Variants in FYB1 observed in about 807,000 individuals in gnomAD.
FYB1 encodes the protein FYN binding protein 1.
Under a neutral mutation model 94.1 loss-of-function variants are expected in FYB1, and 41 were observed. The ratio of observed to expected loss-of-function variants is 0.44; its 90% CI spans 0.34 to 0.57. The LOEUF is 0.57. Among genes scored for constraint, FYB1 ranks in the 20% least tolerant of loss-of-function variants. FYB1 has a pLI of 0.02. For missense variants in FYB1, 1,050 were observed against 976.8 expected (o/e 1.07, Z -1.00); for synonymous variants, 367 against 353.2 (o/e 1.04, Z -0.44).
At chr5:39,186,266 A>G (rs1300745597) in intron 2 of FYB1, among the ~76,000 whole-genome samples, 4 of 152,210 alleles carry the variant, frequency 2.6e-5, no homozygotes, top group Non-Finnish European at 5.9e-5. Flanking sequence ...TCTACTAAAA[A>G]TACAAAAATT....
chr5:39,252,312 G>T (rs1380647809), intron 1 of FYB1, among the ~76,000 whole-genome samples: 1 of 152,102 alleles, frequency 6.6e-6, no homozygotes, highest in East Asian at 1.9e-4. Context: ...GTGAGCTAAT[G>T]TTTATGAATT....
intron 2 of FYB1, among the ~76,000 whole-genome samples, chr5:39,161,932 G>A (rs1744281386): frequency 6.6e-6 from 1 of 152,182 alleles, no homozygotes; most frequent in Non-Finnish European, 1.5e-5. Flanking sequence ...GATATTTCAT[G>A]TCAACAGAAT....
Position 39,181,412 on chromosome 5 carries a change from G to A in FYB1, c.1135+20414C>T, listed in dbSNP as rs144360381. ...TTAATTTAATTTAAACATCCACTGT[G>A]GTTAGTGGATACTATATAGGACAGT... On this transcript the variant is annotated intron_variant, in intron 2 of 18. Coordinates refer to ENST00000512982, the MANE Select transcript of FYB1 (RefSeq NM_001465.6). 1.9e-3 allele frequency among the ~76,000 whole-genome samples: 295 copies of A among 152,004 alleles called. 1 individual carries two copies. The highest frequency in any genetic ancestry group is 6.7e-3 in the African/African-American group (278 of 41,482).
intron 1 of FYB1, among the ~76,000 whole-genome samples, chr5:39,237,793 A>T (rs1274784806): frequency 6.6e-6 from 1 of 152,102 alleles, no homozygotes; most frequent in Non-Finnish European, 1.5e-5. Flanking sequence ...TTGCAACAAG[A>T]ATGAGAGGTT....
chr5:39,138,006 A>T, intron 6 of FYB1: 1 of 398,602 alleles, frequency 2.5e-6, no homozygotes. Context: ...ATGTTCGCAT[A>T]AATAGAATCC....
intron 2 of FYB1, among the ~76,000 whole-genome samples, chr5:39,168,449 T>C (rs747316432): frequency 2.5e-4 from 38 of 152,170 alleles, no homozygotes; most frequent in Non-Finnish European, 1.3e-4. Flanking sequence ...GAAAACATAA[T>C]GTAAAAAATT....
Position 39,119,618 on chromosome 5 carries a change from C to A in FYB1, c.2155G>T (p.Gly719Ter). 1 of 1,536,884 alleles carries A rather than the reference C, an allele frequency of 6.5e-7. No homozygotes were observed. Among genetic ancestry groups the A allele is most frequent in the South Asian group, 1.3e-5 (1 of 79,760 alleles). ...SAEMSQGTNV[G>*]KAKTEEKDLK... is the part of the protein sequence containing the mutation. ...TCCTTTTCTTCTGTCTTAGCTTTTC[C>A]AACATTAGTTCCTTGACTAGAACGG... The change falls in exon 15 of 19, where the codon GGA becomes TGA. Residue 719 changes from glycine (G) to a stop codon, truncating the protein, a stop_gained. Coordinates refer to ENST00000512982, the MANE Select transcript of FYB1 (RefSeq NM_001465.6). LOFTEE classifies it high-confidence loss of function.
intron 2 of FYB1, among the ~76,000 whole-genome samples, chr5:39,167,217 G>A (rs7724892): frequency 0.034 from 5,224 of 152,114 alleles, 308 homozygotes; most frequent in African/African-American, 0.12. Flanking sequence ...GAGATGATGC[G>A]GGGATCAAGC....
At chr5:39,217,441 G>C (rs1418890091) in intron 1 of FYB1, among the ~76,000 whole-genome samples, 2 of 152,150 alleles carry the variant, frequency 1.3e-5, no homozygotes, top group Non-Finnish European at 2.9e-5. Flanking sequence ...TGACCTGTGG[G>C]GTGCCAGCTT....
At chr5:39,143,375 C>G (rs769776010) in intron 3 of FYB1, among the ~76,000 whole-genome samples, 2 of 150,418 alleles carry the variant, frequency 1.3e-5, no homozygotes, top group Non-Finnish European at 2.9e-5. Flanking sequence ...CAAATTACAC[C>G]AGTTCCCCAT....
intron 1 of FYB1, among the ~76,000 whole-genome samples, chr5:39,237,427 T>A (rs540483983): frequency 1.3e-5 from 2 of 152,140 alleles, no homozygotes; most frequent in African/African-American, 4.8e-5. Context: ...TTGAGATTGA[T>A]CCACTAAGGC....
chr5:39,218,788 A>G (rs919829967), intron 1 of FYB1, among the ~76,000 whole-genome samples: 7 of 152,336 alleles, frequency 4.6e-5, no homozygotes, highest in Admixed American at 1.3e-4. Flanking sequence ...AATTTTTCAG[A>G]AGAATCAGCA....
At chr5:39,154,111 T>G (rs938129976) in intron 2 of FYB1, among the ~76,000 whole-genome samples, 1 of 152,160 alleles carries the variant, frequency 6.6e-6, no homozygotes, top group Non-Finnish European at 1.5e-5. Context: ...ATCAATAAGA[T>G]GTATTACATA....
At chr5:39,274,343 C>G (rs1047677368) in intron 1 of FYB1, 1 of 152,086 alleles carries the variant, frequency 6.6e-6, no homozygotes, top group African/African-American at 2.4e-5. Flanking sequence ...CTCTACGTGC[C>G]CAACATTAAT....
At chr5:39,200,863 T>C (rs977493564) in intron 2 of FYB1, among the ~76,000 whole-genome samples, 1 of 152,174 alleles carries the variant, frequency 6.6e-6, no homozygotes, top group East Asian at 1.9e-4. Context: ...AGGCATCTTG[T>C]TTCCCCCTCA....
At chr5:39,219,751 C>G (rs573884850), upstream of FYB1, 23 of 254,030 alleles carry the variant, frequency 9.1e-5, no homozygotes, top group Non-Finnish European at 1.2e-4. Flanking sequence ...AACATTCCCA[C>G]CAAGCATGTG....
chr5:39,158,652 T>C (rs1323092253), intron 2 of FYB1, among the ~76,000 whole-genome samples: 1 of 152,242 alleles, frequency 6.6e-6, no homozygotes, highest in African/African-American at 2.4e-5. Flanking sequence ...CAAAGATCTA[T>C]GAAGACTTAG....
intron 2 of FYB1, among the ~76,000 whole-genome samples, chr5:39,192,021 C>T (rs1445796886): frequency 6.6e-6 from 1 of 152,120 alleles, no homozygotes; most frequent in South Asian, 2.1e-4. Flanking sequence ...AAAGAAGAAG[C>T]CTTTAATGGC....
chr5:39,112,862 TTG>T (rs1232653309), intron 16 of FYB1, among the ~76,000 whole-genome samples: 1 of 152,108 alleles, frequency 6.6e-6, no homozygotes, highest in African/African-American at 2.4e-5. Context: ...GTTGCTGTTG[TTG>T]TGTGTTTGTG....
Sources: allele counts gnomAD v4.1 joint callset (sites outside exome capture counted in the v4.1 genomes callset), GRCh38; gene constraint gnomAD v4.1.1; transcripts MANE v1.5; gene names NCBI Gene and HGNC (gene_info 2026-07-23, HGNC 2026-07-21).